SMOC2: variants seen among roughly 807,000 people sequenced by gnomAD.
The protein encoded by SMOC2 is SPARC related modular calcium binding 2.
Under a neutral mutation model 61.4 loss-of-function variants are expected in SMOC2, and 39 were observed. The ratio of observed to expected loss-of-function variants is 0.64; its 90% CI spans 0.49 to 0.83. The LOEUF is 0.83. SMOC2 is among the 40% of genes least tolerant of loss of function. The pLI is 0.00. For missense variants in SMOC2, 556 were observed against 592.9 expected (o/e 0.94, Z 0.65); for synonymous variants, 247 against 239.9 (o/e 1.03, Z -0.27).
At chr6:168,649,875 G>A (rs1031767431) in intron 9 of SMOC2, among the ~76,000 whole-genome samples, 27 of 152,322 alleles carry the variant, frequency 1.8e-4, no homozygotes, top group African/African-American at 5.8e-4. Flanking sequence ...TCCAGCTACT[G>A]GGGCAGTAGC....
chr6:168,606,901 C>T (rs1449749947), intron 8 of SMOC2, among the ~76,000 whole-genome samples: 1 of 152,062 alleles, frequency 6.6e-6, no homozygotes, highest in Non-Finnish European at 1.5e-5. Context: ...GAGGCCGCCA[C>T]GAAGGATTCC....
chr6:168,553,912 T>C lies in SMOC2; in HGVS notation c.637+4709T>C, dbSNP rs529165882. 0.011 allele frequency among the ~76,000 whole-genome samples: 1,679 copies of C among 148,882 alleles called. 50 individuals carry two copies. The highest frequency in any genetic ancestry group is 0.041 in the African/African-American group (1,598 of 39,092). ...ATGGGACGAGTCGATTAAAACTTGC[T>C]TTTGAACTGCGTGTGCTGTGCATGG... On this transcript the variant is annotated intron_variant, in intron 7 of 12. Coordinates refer to ENST00000356284, the MANE Select transcript of SMOC2 (RefSeq NM_001166412.2). The surrounding 1 kb of genome is among the most constrained non-coding windows in gnomAD (Gnocchi z 4.2).
At chr6:168,471,563 A>G (rs1438923516) in intron 1 of SMOC2, among the ~76,000 whole-genome samples, 1 of 152,244 alleles carries the variant, frequency 6.6e-6, no homozygotes, top group Non-Finnish European at 1.5e-5. Context: ...TCTCACGGAT[A>G]TATACATGGA....
chr6:168,550,359 T>G (rs746996415), intron 7 of SMOC2, among the ~76,000 whole-genome samples: 14 of 152,154 alleles, frequency 9.2e-5, no homozygotes, highest in Non-Finnish European at 1.3e-4. Context: ...AAAGGTATAT[T>G]AAAGTTCAGG....
In SMOC2 at chr6:168,578,702, A is replaced by C. The variant is rs559120222; in HGVS notation, c.638-20116A>C. Among the ~76,000 whole-genome samples, 3 of 152,340 alleles carry C rather than the reference A, an allele frequency of 2.0e-5. No homozygotes were observed. The South Asian group carries it at 6.2e-4, about 32-fold the overall frequency. ...TTGGGATTATATTATGCCAAATGGC[A>C]AAGACCTAACGTAGCAGCTTTCTAA... On this transcript the variant is annotated intron_variant, in intron 7 of 12. Transcript: ENST00000356284.
intron 7 of SMOC2, among the ~76,000 whole-genome samples, chr6:168,589,170 A>T (rs1270001884): frequency 6.6e-6 from 1 of 152,036 alleles, no homozygotes; most frequent in African/African-American, 2.4e-5. Context: ...TTATGTCATT[A>T]TGATGTTCAT....
intron 1 of SMOC2, among the ~76,000 whole-genome samples, chr6:168,454,768 A>G (rs1401564822): frequency 6.6e-6 from 1 of 152,198 alleles, no homozygotes; most frequent in Non-Finnish European, 1.5e-5. Context: ...GTGAGCTTAC[A>G]ACTTCTCCAT....
chr6:168,467,345 C>T (rs1781865928), intron 1 of SMOC2, among the ~76,000 whole-genome samples: 1 of 151,162 alleles, frequency 6.6e-6, no homozygotes, highest in South Asian at 2.1e-4. Flanking sequence ...CTCGCCCTGT[C>T]GCCCAGGCTG....
At chr6:168,637,624 C>T (rs749171247) in intron 9 of SMOC2, among the ~76,000 whole-genome samples, 11 of 152,176 alleles carry the variant, frequency 7.2e-5, no homozygotes, top group Non-Finnish European at 1.3e-4. Flanking sequence ...TTTCTGTTGC[C>T]GGCCTCCACC....
At position 168,533,195 on chromosome 6, in the gene SMOC2, G is replaced by A. The variant is rs114803736; in HGVS notation, c.463+5468G>A. ...CTCTGTGGTCTGAACATGACTATGC[G>A]TCCATCTTCACTGTGGATGCTCATC... On this transcript the variant is annotated intron_variant, in intron 4 of 12. Coordinates refer to ENST00000356284, the MANE Select transcript of SMOC2 (RefSeq NM_001166412.2). Among the ~76,000 whole-genome samples the A allele has an allele frequency of 3.9e-3, 593 of 152,138 alleles. 2 individuals carry two copies. Among genetic ancestry groups the A allele is most frequent in the African/African-American group, 0.014 (561 of 41,514 alleles).
intron 1 of SMOC2, among the ~76,000 whole-genome samples, chr6:168,509,009 G>A (rs1562561680): frequency 1.3e-5 from 2 of 152,178 alleles, no homozygotes. Context: ...GCTTCACCTT[G>A]GTGTCTGGTG....
At chr6:168,511,405 G>A (rs183955617) in intron 2 of SMOC2, among the ~76,000 whole-genome samples, 10 of 152,224 alleles carry the variant, frequency 6.6e-5, no homozygotes, top group Admixed American at 2.0e-4. Flanking sequence ...AGGGAAAAAA[G>A]CCCACTATAA....
intron 7 of SMOC2, among the ~76,000 whole-genome samples, chr6:168,573,769 T>A (rs1784729902): frequency 6.6e-6 from 1 of 152,066 alleles, no homozygotes; most frequent in East Asian, 1.9e-4. Context: ...CCAGCCTCAT[T>A]CTCAGGCAGG....
chr6:168,571,884 C>G (rs1346536332), intron 7 of SMOC2, among the ~76,000 whole-genome samples: 23 of 110,250 alleles, frequency 2.1e-4, no homozygotes, highest in Non-Finnish European at 3.6e-4. Context: ...TCCCCGGGTG[C>G]GGGGACCAGG....
chr6:168,447,935 C>A (rs1035202170), intron 1 of SMOC2, among the ~76,000 whole-genome samples: 2 of 151,958 alleles, frequency 1.3e-5, no homozygotes, highest in African/African-American at 2.4e-5. Flanking sequence ...GCGCTAGAAT[C>A]AAATAAATCC....
intron 11 of SMOC2, among the ~76,000 whole-genome samples, chr6:168,659,929 GC>G: frequency 6.7e-6 from 1 of 149,576 alleles, no homozygotes; most frequent in South Asian, 2.1e-4. Context: ...GAGGTTGTAG[GC>G]TGGGTGAGGG....
At chr6:168,610,364 T>A (rs1785825858) in intron 9 of SMOC2, among the ~76,000 whole-genome samples, 1 of 152,232 alleles carries the variant, frequency 6.6e-6, no homozygotes. Flanking sequence ...GCACTGTTCA[T>A]GACCACTTAA....
chr6:168,592,260 G>T (rs1020258762), intron 7 of SMOC2, among the ~76,000 whole-genome samples: 1 of 151,134 alleles, frequency 6.6e-6, no homozygotes, highest in South Asian at 2.1e-4. Context: ...GCTTCCTAAG[G>T]CCTCACGGGC....
At chr6:168,660,051 T>TGAGTAAGGGTGGAGATTGTA (rs1554255900) in intron 11 of SMOC2, among the ~76,000 whole-genome samples, 1 of 149,902 alleles carries the variant, frequency 6.7e-6, no homozygotes, top group African/African-American at 2.5e-5. Flanking sequence ...GGTTGTAGGT[T>TGAGTAAGGGTGGAGATTGTA]GGCCTGAATA....
Sources: allele counts gnomAD v4.1 joint callset (sites outside exome capture counted in the v4.1 genomes callset), GRCh38; gene constraint gnomAD v4.1.1; non-coding constraint Gnocchi (gnomAD v3.1); transcripts MANE v1.5; gene names NCBI Gene and HGNC (gene_info 2026-07-23, HGNC 2026-07-21).